RIPK1: variants seen among roughly 807,000 people sequenced by gnomAD.
RIPK1 encodes the protein receptor-interacting serine/threonine-protein kinase 1.
A neutral mutation model predicts 62.4 loss-of-function variants in RIPK1; 27 were observed. The ratio of observed to expected loss-of-function variants is 0.43; its 90% CI spans 0.32 to 0.60. RIPK1 has a LOEUF of 0.60. RIPK1 is among the 20% of genes least tolerant of loss of function. RIPK1 has a pLI of 0.07. For missense variants in RIPK1, 735 were observed against 831.0 expected, an observed-to-expected ratio of 0.88 and a Z score of 1.42; for synonymous variants, 287 against 303.2, an observed-to-expected ratio of 0.95 and a Z score of 0.55.
At chr6:3,089,443 C>A (rs906006786) in intron 6 of RIPK1, 138 bp from the exon 7 acceptor site, 2 of 622,472 alleles carry the variant, frequency 3.2e-6, no homozygotes, top group African/African-American at 3.7e-5. Context: ...CTATCAGAGT[C>A]AGTGATTTGG....
At chr6:3,068,209 C>G (rs989179011), upstream of RIPK1, 6 of 985,280 alleles carry the variant, frequency 6.1e-6, no homozygotes, top group African/African-American at 1.0e-4. Context: ...TGCTAACTTG[C>G]CTATGCTAAC....
intron 1 of RIPK1, chr6:3,069,028 C>T (rs1473198086): frequency 1.3e-5 from 2 of 152,232 alleles, no homozygotes; most frequent in African/African-American, 2.4e-5. Flanking sequence ...GGTGTCTCTG[C>T]TTATCCGGAG....
chr6:3,073,958 T>C (rs1026283842), intron 1 of RIPK1, among the ~76,000 whole-genome samples: 3 of 152,256 alleles, frequency 2.0e-5, no homozygotes, highest in Non-Finnish European at 2.9e-5. Context: ...TCCGTCATTG[T>C]CTGACTTTTT....
At position 3,085,279 on chromosome 6, in the gene RIPK1, T is replaced by C. The variant is rs17548390; in HGVS notation, c.709T>C (p.Leu237=). 2,373 of 1,614,212 alleles carry C rather than the reference T, an allele frequency of 1.5e-3. 29 individuals are homozygous for C. The African/African-American group carries it at 0.027, about 19-fold the overall frequency. ...TGTAGATGCTATCTGTGAGCAGCAG[T>C]TGATAATGTGCATAAAATCTGGGAA... The part of the protein sequence containing the change: ...PYENAICEQQ[L]IMCIKSGNRP... Residue 237 remains leucine (L), a synonymous_variant, in exon 6 of 11, where the codon TTG becomes CTG. Coordinates refer to ENST00000259808, the MANE Select transcript of RIPK1 (RefSeq NM_001354930.2).
chr6:3,069,115 A>G (rs1000903751), intron 1 of RIPK1, among the ~76,000 whole-genome samples: 13 of 152,154 alleles, frequency 8.5e-5, no homozygotes, highest in Non-Finnish European at 1.9e-4. Context: ...GGCCGCGGTT[A>G]CCGCGTGAGG....
In RIPK1 at chr6:3,068,553, G is replaced by T; in HGVS notation, c.-169G>T. The T allele has an allele frequency of 1.0e-6, 1 of 985,284 alleles. No individual in the cohort carries two copies. Among genetic ancestry groups the T allele is most frequent in the Non-Finnish European group, 1.2e-6 (1 of 829,876 alleles). The allele number at this position is 985,284 out of a possible 1,614,324, so 61.0% of individuals were successfully genotyped here. ...GACGGCGGGCCAGCTGCCGGAGCGC[G>T]GCGACTCCAGGGGACCCACAGCTGG... On this transcript the variant is annotated 5_prime_UTR_variant, in exon 1 of 11. Coordinates refer to ENST00000259808, the MANE Select transcript of RIPK1 (RefSeq NM_001354930.2).
chr6:3,090,537 A>G (rs1033558811), intron 7 of RIPK1, among the ~76,000 whole-genome samples: 1 of 152,040 alleles, frequency 6.6e-6, no homozygotes, highest in Non-Finnish European at 1.5e-5. Context: ...TTAAATGTGG[A>G]TCCACCTTCA....
Position 3,113,059 on chromosome 6 carries a change from C to A in RIPK1, c.1736C>A (p.Thr579Asn). The change falls in exon 11 of 11, where the codon ACC becomes AAC. Residue 579 changes from threonine to asparagine, a missense_variant. By Grantham distance (65) the Thr-to-Asn change is moderately conservative (BLOSUM62 0). This residue lies in a region of RIPK1 where 671 missense variants were observed against 726.2 expected (regional missense o/e 0.92). Transcript: ENST00000259808. This position sits in a 1 kb window ranked among gnomAD's most constrained non-coding sequence, Gnocchi z 5.0. ...TCTTTTTCCCATTTGGCAGATAATA[C>A]CACTAGTCTGACGGATAAACACCTG... ...AAKYQAIFDN[T>N]TSLTDKHLDP... 1.3e-6 allele frequency: 2 copies of A among 1,547,888 alleles called. No individual in the cohort carries two copies. The highest frequency in any genetic ancestry group is 1.2e-5 in the South Asian group (1 of 80,634).
At position 3,113,011 on chromosome 6, in the gene RIPK1, T is replaced by A; in HGVS notation, c.1730-42T>A. ...AATTCAGGAAGCTGGAATGTTTGAA[T>A]GGGTTTTAGCTTGATACCTTCTTCT... is the stretch of plus-strand genomic sequence containing the variant. On this transcript the variant is annotated intron_variant, in intron 10 of 10. Coordinates refer to ENST00000259808, the MANE Select transcript of RIPK1 (RefSeq NM_001354930.2). The surrounding 1 kb of genome is among the most constrained non-coding windows in gnomAD (Gnocchi z 5.0). 1 of 1,475,890 alleles carries A rather than the reference T, an allele frequency of 6.8e-7. No homozygotes were observed. Among genetic ancestry groups the A allele is most frequent in the Non-Finnish European group, 9.0e-7 (1 of 1,105,584 alleles). The allele number at this position is 1,475,890 out of a possible 1,614,324, so 91.4% of individuals were successfully genotyped here.
chr6:3,084,366 G>C (rs150658478), intron 5 of RIPK1, among the ~76,000 whole-genome samples: 1 of 152,122 alleles, frequency 6.6e-6, no homozygotes, highest in African/African-American at 2.4e-5. Context: ...TACTGGCCTC[G>C]TCCCTAACCC....
At chr6:3,087,125 G>T (rs760561032) in intron 6 of RIPK1, among the ~76,000 whole-genome samples, 8 of 152,020 alleles carry the variant, frequency 5.3e-5, no homozygotes, top group Non-Finnish European at 1.2e-4. Context: ...TATAGGGAAG[G>T]TGTTATTTTT....
chr6:3,088,258 G>A (rs1480417194), intron 6 of RIPK1, among the ~76,000 whole-genome samples: 1 of 152,174 alleles, frequency 6.6e-6, no homozygotes, highest in East Asian at 1.9e-4. Context: ...AGCCCTTATT[G>A]ACACCTAAGG....
Position 3,100,673 on chromosome 6 carries a change from C to G in RIPK1, c.916-3552C>G, listed in dbSNP as rs533772021. ...TGACACAATCTGGGCTCACTACAAC[C>G]TCCACCTCCCGGGTTCAAGTGATTC... On this transcript the variant is annotated intron_variant, in intron 7 of 10. Transcript: ENST00000259808. Among the ~76,000 whole-genome samples the G allele has an allele frequency of 7.2e-5, 11 of 151,950 alleles. 1 individual carries two copies. In the East Asian group the frequency reaches 2.2e-3, roughly 30 times the overall value.
chr6:3,090,887 C>CACCTAGTAACCGCAGAGT (rs1760043353), intron 7 of RIPK1, among the ~76,000 whole-genome samples: 1 of 14,102 alleles, frequency 7.1e-5, no homozygotes, highest in Non-Finnish European at 1.2e-4. Context: ...AACCGCAGCG[C>CACCTAGTAACCGCAGAGT]GCCTACCTGC....
rs1761276381 is a variant in RIPK1, at chr6:3,113,632, C to T, written c.*293C>T. On this transcript the variant is annotated 3_prime_UTR_variant, in exon 11 of 11. Transcript: ENST00000259808. This position sits in a 1 kb window ranked among gnomAD's most constrained non-coding sequence, Gnocchi z 5.0. The stretch of plus-strand genomic sequence containing the variant: ...GAGCCACTGCGCCCAGCCAACAATC[C>T]GCTCTGAGGAAAGCGTAAGCAGGAA... 2.1e-5 allele frequency: 7 copies of T among 333,262 alleles called. No homozygotes were observed. The highest frequency in any genetic ancestry group is 6.1e-5 in the African/African-American group (3 of 48,942). The allele number at this position is 333,262 out of a possible 1,614,324, so 20.6% of individuals were successfully genotyped here. A position where few individuals can be genotyped will look rare whatever the true frequency, so the allele number is the denominator to read the frequency against.
upstream of RIPK1, among the ~76,000 whole-genome samples, chr6:3,065,334 C>A (rs1351780753): frequency 7.3e-6 from 1 of 137,058 alleles, no homozygotes; most frequent in Non-Finnish European, 1.5e-5. Context: ...GCGGGGGTGG[C>A]TGGGGGTGCG....
At chr6:3,112,077 G>A (rs1761188303) in intron 10 of RIPK1, among the ~76,000 whole-genome samples, 1 of 152,164 alleles carries the variant, frequency 6.6e-6, no homozygotes, top group Non-Finnish European at 1.5e-5. Context: ...GAAGGGCGAA[G>A]GGAAGGAACC....
At chr6:3,106,404 G>T (rs1760853859) in intron 9 of RIPK1, among the ~76,000 whole-genome samples, 1 of 152,138 alleles carries the variant, frequency 6.6e-6, no homozygotes, top group African/African-American at 2.4e-5. Context: ...ACTTTTTGAA[G>T]GTAAGAAATC....
intron 7 of RIPK1, among the ~76,000 whole-genome samples, chr6:3,098,877 TGCCCCTCAG>T (rs1490019507): frequency 6.6e-6 from 1 of 152,186 alleles, no homozygotes; most frequent in Admixed American, 6.5e-5. Context: ...ACTGAGCAAA[TGCCCCTCAG>T]GCTTGTCCCA....
Sources: allele counts gnomAD v4.1 joint callset (sites outside exome capture counted in the v4.1 genomes callset), GRCh38; gene constraint gnomAD v4.1.1; regional missense constraint gnomAD v4.1.1; non-coding constraint Gnocchi (gnomAD v3.1); transcripts MANE v1.5; gene names NCBI Gene and HGNC (gene_info 2026-07-23, HGNC 2026-07-21).